The following NLRC3 variants were observed in gnomAD, a reference collection of about 807,000 sequenced individuals.
NLRC3 encodes NLR family CARD domain containing 3, also known as NLR family CARD domain-containing protein 3.
In NLRC3, 87 loss-of-function variants were observed where a neutral mutation model predicts 91.6. That is an observed-to-expected ratio of 0.95 (90% CI 0.80 to 1.14). NLRC3 has a LOEUF of 1.14. Ranked by LOEUF, NLRC3 falls within the 50% of genes most tolerant of loss-of-function variation. NLRC3 has a pLI of 0.00. For synonymous variants in NLRC3, 694 were observed against 625.3 expected (o/e 1.11, Z -1.64); for missense variants, 1,577 against 1,418.6 (o/e 1.11, Z -1.79).
At chr16:3,560,022 T>C (rs1368609539) in intron 6 of NLRC3, among the ~76,000 whole-genome samples, 1 of 152,198 alleles carries the variant, frequency 6.6e-6, no homozygotes, top group Non-Finnish European at 1.5e-5. Flanking sequence ...CCTACACCTC[T>C]AAACATACTC....
intron 15 of NLRC3, among the ~76,000 whole-genome samples, chr16:3,547,194 A>G (rs1231424983): frequency 3.3e-5 from 5 of 152,226 alleles, no homozygotes; most frequent in Non-Finnish European, 5.9e-5. Context: ...TACCCATACA[A>G]TGGATATCAT....
In NLRC3 at chr16:3,575,934, C is replaced by T. The variant is rs150352988; in HGVS notation, c.-169+1215G>A. ...TCCCAGGGCCTTGGAATTCAGGACT[C>T]GGTTCTCTCGAGGTGGCCCCAGCAT... is the stretch of plus-strand genomic sequence containing the variant. On this transcript the variant is annotated intron_variant, in intron 1 of 19. Coordinates refer to ENST00000359128, the MANE Select transcript of NLRC3 (RefSeq NM_178844.4). 1.4e-4 allele frequency among the ~76,000 whole-genome samples: 21 copies of T among 152,294 alleles called. No homozygotes were observed. In the East Asian group the frequency reaches 3.9e-3, roughly 28 times the overall value.
At position 3,544,438 on chromosome 16, in the gene NLRC3, C is replaced by T. The variant is rs925915454; in HGVS notation, c.2772-109G>A. ...TTTAACCGACTACACACACCATAGA[C>T]ACTCCCAGGGTTTCCTGGGGATAAC... On this transcript the variant is annotated intron_variant, in intron 15 of 19. Coordinates refer to ENST00000359128, the MANE Select transcript of NLRC3 (RefSeq NM_178844.4). 5.4e-5 allele frequency: 40 copies of T among 735,412 alleles called. 1 individual carries two copies. In the South Asian group the frequency reaches 5.8e-4, roughly 11 times the overall value. 45.6% of individuals were successfully genotyped at this position (735,412 alleles called of 1,614,324 possible).
chr16:3,543,591 A>G, intron 16 of NLRC3, 83 bp from the exon 17 acceptor site: 2 of 909,552 alleles, frequency 2.2e-6, no homozygotes, highest in Non-Finnish European at 3.5e-6. Flanking sequence ...CCACCCCTTG[A>G]CTCAGGATGG....
At position 3,554,587 on chromosome 16, in the gene NLRC3, T is replaced by C. The variant is rs756489365; in HGVS notation, c.2184-262A>G. ...TGAATAACCACAACAAAGTCATCAA[T>C]TGCCCTCATTACAGCTGAAAGACAC... is the stretch of plus-strand genomic sequence containing the variant. On this transcript the variant is annotated intron_variant, in intron 8 of 19. Coordinates refer to ENST00000359128, the MANE Select transcript of NLRC3 (RefSeq NM_178844.4). Among the ~76,000 whole-genome samples, 25 of 152,188 alleles carry C rather than the reference T, an allele frequency of 1.6e-4. 1 individual carries two copies. Among genetic ancestry groups the C allele is most frequent in the Non-Finnish European group, 5.9e-5 (4 of 68,038 alleles).
chr16:3,557,031 T>G (rs1280544039), intron 7 of NLRC3, 37 bp from the exon 8 acceptor site: 1 of 1,432,016 alleles, frequency 7.0e-7, no homozygotes, highest in Non-Finnish European at 9.8e-7. Flanking sequence ...CCTTCATCTG[T>G]CTCCCAGAGA....
chr16:3,552,933 C>T (rs1023820959), intron 9 of NLRC3, among the ~76,000 whole-genome samples: 4 of 152,032 alleles, frequency 2.6e-5, no homozygotes, highest in Admixed American at 6.6e-5. Flanking sequence ...AGCGAGACTC[C>T]GTCTCAAATA....
chr16:3,550,196 T>G (rs1350846332), intron 11 of NLRC3, among the ~76,000 whole-genome samples: 1 of 152,116 alleles, frequency 6.6e-6, no homozygotes, highest in Non-Finnish European at 1.5e-5. Context: ...TCAAGGACAC[T>G]TGGAGCTCAT....
chr16:3,573,881 C>T (rs920287884), intron 1 of NLRC3, among the ~76,000 whole-genome samples: 5 of 151,936 alleles, frequency 3.3e-5, no homozygotes, highest in Non-Finnish European at 5.9e-5. Context: ...TGCAGTGGTA[C>T]GATCTTGGCT....
chr16:3,565,392 G>A lies in NLRC3; in HGVS notation c.-86-12C>T. 1 of 459,960 alleles carries A rather than the reference G, an allele frequency of 2.2e-6. No individual in the cohort carries two copies. Among genetic ancestry groups the A allele is most frequent in the Non-Finnish European group, 4.2e-6 (1 of 237,124 alleles). The allele number at this position is 459,960 out of a possible 1,614,324, so 28.5% of individuals were successfully genotyped here. On this transcript the variant is annotated splice_polypyrimidine_tract_variant and intron_variant, in intron 2 of 19. Coordinates refer to ENST00000359128, the MANE Select transcript of NLRC3 (RefSeq NM_178844.4). The stretch of plus-strand genomic sequence containing the variant: ...TCTTCATTTGTGACCTGGAAATGAT[G>A]ATGAGGTTACAAGTAAGTTTGCTCA...
Position 3,541,819 on chromosome 16 carries a change from C to T in NLRC3, c.*6G>A, listed in dbSNP as rs749687897. On this transcript the variant is annotated 3_prime_UTR_variant, in exon 20 of 20. Transcript: ENST00000359128. ...TCTGCCCATTCTCCTGATCCGTCCA[C>T]CAGGATCACATTTCAACAGTGCACG... The T allele has an allele frequency of 1.2e-5, 19 of 1,588,292 alleles. No homozygotes were observed. The highest frequency in any genetic ancestry group is 1.5e-5 in the Non-Finnish European group (17 of 1,157,350).
At chr16:3,542,392 C>G in intron 18 of NLRC3, 118 bp from the exon 19 acceptor site, 1 of 709,570 alleles carries the variant, frequency 1.4e-6, no homozygotes, top group Non-Finnish European at 2.5e-6. Flanking sequence ...CCACAGGTGC[C>G]ATGGCAACTC....
intron 17 of NLRC3, 57 bp from the exon 18 acceptor site, chr16:3,542,832 C>T (rs896587454): frequency 5.6e-6 from 7 of 1,248,992 alleles, no homozygotes; most frequent in East Asian, 2.5e-5. Context: ...GTGATACTGA[C>T]CCCTCTGCGG....
In NLRC3 at chr16:3,568,066, T is replaced by A. The variant is rs28460311; in HGVS notation, c.-168-742A>T. Among the ~76,000 whole-genome samples the A allele has an allele frequency of 2.6e-5, 4 of 151,884 alleles. 1 individual carries two copies. In the East Asian group the frequency reaches 5.9e-4, roughly 22 times the overall value. On this transcript the variant is annotated intron_variant, in intron 1 of 19. Transcript: ENST00000359128. ...ATTTTAGTAGAAGCAGGGTTTCACC[T>A]TGCTCACCGGGCTGGTCTTGAACTC...
At chr16:3,553,022 A>G (rs983691131) in intron 9 of NLRC3, among the ~76,000 whole-genome samples, 11 of 152,166 alleles carry the variant, frequency 7.2e-5, no homozygotes, top group Non-Finnish European at 1.5e-4. Flanking sequence ...CTTGTCCTAA[A>G]TCTGGTGGAG....
chr16:3,573,011 C>CAAA (rs58940028), intron 1 of NLRC3, among the ~76,000 whole-genome samples: 21 of 75,186 alleles, frequency 2.8e-4, no homozygotes, highest in African/African-American at 6.1e-4. Context: ...GACTCTATCT[C>CAAA]AAAAAAAAAA....
rs79415640 is a variant in NLRC3, at chr16:3,542,583, C to A, written c.3023+109G>T. On this transcript the variant is annotated intron_variant, in intron 18 of 19. Coordinates refer to ENST00000359128, the MANE Select transcript of NLRC3 (RefSeq NM_178844.4). ...TATAATAAGTCTGATTGTTTATATT[C>A]AGAAGGAAATAGCTACAGAAGAAAT... 5.8e-3 allele frequency: 4,062 copies of A among 694,420 alleles called. 34 individuals carry two copies. The highest frequency in any genetic ancestry group is 0.02 in the South Asian group (1,154 of 57,304). 43.0% of individuals were successfully genotyped at this position (694,420 alleles called of 1,614,324 possible). A position where few individuals can be genotyped will look rare whatever the true frequency, so the allele number is the denominator to read the frequency against.
chr16:3,559,804 G>A (rs1316125652), intron 6 of NLRC3, among the ~76,000 whole-genome samples: 5 of 151,632 alleles, frequency 3.3e-5, no homozygotes, highest in African/African-American at 9.7e-5. Flanking sequence ...ACCACGACTG[G>A]CTAATTTTTG....
Position 3,564,207 on chromosome 16 carries a change from G to T in NLRC3, c.730C>A (p.Pro244Thr). 1 of 1,613,416 alleles carries T rather than the reference G, an allele frequency of 6.2e-7. No individual in the cohort carries two copies. The change falls in exon 5 of 20, where the codon CCG becomes ACG. Residue 244 changes from proline to threonine, a missense_variant. Coordinates refer to ENST00000359128, the MANE Select transcript of NLRC3 (RefSeq NM_178844.4). The surrounding 1 kb of genome is among the most constrained non-coding windows in gnomAD (Gnocchi z 5.9). Reference sequence around the variant, plus strand: ...ATGTTGGTGATCAGGTGGTCCACCGGGATCTCCTTCTTTGGGTCCGTGCAG... The same window carrying T: ...ATGTTGGTGATCAGGTGGTCCACCGTGATCTCCTTCTTTGGGTCCGTGCAG... ...VACTDPKKEI[P>T]VDHLITNIIR... is the part of the protein sequence containing the mutation.
Sources: allele counts gnomAD v4.1 joint callset (sites outside exome capture counted in the v4.1 genomes callset), GRCh38; gene constraint gnomAD v4.1.1; non-coding constraint Gnocchi (gnomAD v3.1); transcripts MANE v1.5; gene names NCBI Gene and HGNC (gene_info 2026-07-23, HGNC 2026-07-21).